Variants in PKIB observed in about 807,000 individuals in gnomAD.
PKIB encodes the protein PKI-beta.
In PKIB, 2 loss-of-function variants were observed where a neutral mutation model predicts 4.5. That is an observed-to-expected ratio of 0.44 (90% CI 0.18 to 1.39). The LOEUF is 1.39. PKIB is among the 40% of genes most tolerant of loss of function. PKIB has a pLI of 0.27. For missense variants in PKIB, 94 were observed against 92.6 expected, an observed-to-expected ratio of 1.02 and a Z score of -0.06; for synonymous variants, 38 against 36.0, an observed-to-expected ratio of 1.06 and a Z score of -0.20.
At chr6:122,521,380 A>G (rs139439645) in intron 2 of PKIB, among the ~76,000 whole-genome samples, 1,596 of 152,210 alleles carry the variant, frequency 0.01, 15 homozygotes, top group Non-Finnish European at 0.016. Flanking sequence ...GTTGTGTAGA[A>G]TAAGAAGATG....
intron 2 of PKIB, among the ~76,000 whole-genome samples, chr6:122,651,726 A>G (rs1314785819): frequency 3.9e-5 from 6 of 152,196 alleles, no homozygotes; most frequent in South Asian, 2.1e-4. Context: ...CCCTGTGGTT[A>G]TAGGAGATAA....
intron 2 of PKIB, among the ~76,000 whole-genome samples, chr6:122,661,681 C>T (rs1334364496): frequency 2.0e-5 from 3 of 152,096 alleles, no homozygotes; most frequent in Non-Finnish European, 4.4e-5. Context: ...TCTCTGTGGA[C>T]ATATGCTTTC....
chr6:122,717,411 C>T lies in PKIB; in HGVS notation c.-8-376C>T, dbSNP rs1298642632. The T allele has an allele frequency of 6.9e-5, 18 of 260,790 alleles. 1 individual carries two copies. 16.2% of individuals were successfully genotyped at this position (260,790 alleles called of 1,614,324 possible). A position where few individuals can be genotyped will look rare whatever the true frequency, so the allele number is the denominator to read the frequency against. On this transcript the variant is annotated intron_variant, in intron 3 of 4. Coordinates refer to ENST00000368452, the MANE Select transcript of PKIB (RefSeq NM_181795.3). ...CCTGAACAATCACCACAAGCAAATA[C>T]TGGCAGAAAGAGTCTCTACAGGAGT...
intron 2 of PKIB, chr6:122,482,591 C>G (rs1775655447): frequency 7.4e-6 from 1 of 135,018 alleles, no homozygotes. Context: ...TGCTCTGTCA[C>G]CCAGGCTGGA....
At chr6:122,537,643 G>A (rs1479552515) in intron 2 of PKIB, among the ~76,000 whole-genome samples, 1 of 152,140 alleles carries the variant, frequency 6.6e-6, no homozygotes, top group Non-Finnish European at 1.5e-5. Context: ...AAACATACGT[G>A]TGCATGTGTC....
chr6:122,507,484 A>G (rs894227780), intron 2 of PKIB, among the ~76,000 whole-genome samples: 2 of 152,156 alleles, frequency 1.3e-5, no homozygotes, highest in Non-Finnish European at 2.9e-5. Flanking sequence ...CCATCAGGTT[A>G]CTTGAAGTTA....
chr6:122,714,619 C>T (rs934468810), intron 3 of PKIB, among the ~76,000 whole-genome samples: 10 of 152,152 alleles, frequency 6.6e-5, no homozygotes, highest in African/African-American at 1.9e-4. Flanking sequence ...TGACGGCCCA[C>T]TCCAAGGGCC....
At chr6:122,519,221 G>A (rs1697751122) in intron 2 of PKIB, among the ~76,000 whole-genome samples, 1 of 152,114 alleles carries the variant, frequency 6.6e-6, no homozygotes, top group Admixed American at 6.5e-5. Flanking sequence ...GCATGTGAGG[G>A]ATCTAGCTTG....
At chr6:122,612,308 GTT>G (rs1774792596) in intron 1 of PKIB, among the ~76,000 whole-genome samples, 1 of 152,018 alleles carries the variant, frequency 6.6e-6, no homozygotes, top group African/African-American at 2.4e-5. Context: ...ATTTCAGTGA[GTT>G]TTAGAAAATT....
At chr6:122,591,166 TC>T (rs34828543) in intron 3 of PKIB, among the ~76,000 whole-genome samples, 7 of 146,840 alleles carry the variant, frequency 4.8e-5, no homozygotes, top group South Asian at 2.1e-4. Flanking sequence ...GCAAGGAAGG[TC>T]CCCCCCCACA....
At chr6:122,620,775 A>G (rs1364894281) in intron 1 of PKIB, among the ~76,000 whole-genome samples, 2 of 152,160 alleles carry the variant, frequency 1.3e-5, no homozygotes, top group Non-Finnish European at 2.9e-5. Flanking sequence ...GCTGTTTTGT[A>G]AATTTTTAAT....
intron 2 of PKIB, chr6:122,643,486 C>T (rs1776194160): frequency 6.6e-6 from 1 of 152,132 alleles, no homozygotes. Context: ...CTAAAATACT[C>T]AGTATAAGTT....
intron 2 of PKIB, among the ~76,000 whole-genome samples, chr6:122,545,024 C>T (rs778946677): frequency 2.6e-5 from 4 of 152,048 alleles, no homozygotes; most frequent in Non-Finnish European, 4.4e-5. Context: ...AAACAGAATA[C>T]TTATATACTG....
chr6:122,483,195 A>C (rs1182254064), intron 2 of PKIB: 1 of 152,156 alleles, frequency 6.6e-6, no homozygotes, highest in East Asian at 1.9e-4. Flanking sequence ...AATTTAAACC[A>C]GACAAAAAGT....
Position 122,555,424 on chromosome 6 carries a change from TA to T in PKIB, c.-247-30496del, listed in dbSNP as rs1412973799. Among the ~76,000 whole-genome samples the T allele has an allele frequency of 2.6e-5, 4 of 152,228 alleles. No homozygotes were observed. The South Asian group carries it at 6.2e-4, about 24-fold the overall frequency. ...GTAATATTTGAAGGAGGTTTTTGGC[TA>T]TGAGTTGTTTGCATTTTATCTTGTA... On this transcript the variant is annotated intron_variant, in intron 2 of 6. Coordinates refer to the PKIB transcript ENST00000392491.
rs1779928695 is a variant in PKIB, at chr6:122,725,710, C to CA, written c.*520dup. ...ATGCCCCAGACTTTTTCCCAAACCTCAAAAACGTCTTGGAAAAATTGTAAA... is the reference window on the plus strand; with the variant it reads ...ATGCCCCAGACTTTTTCCCAAACCTCAAAAAACGTCTTGGAAAAATTGTAAA... On this transcript the variant is annotated 3_prime_UTR_variant, in exon 5 of 5. Transcript: ENST00000368452. The CA allele has an allele frequency of 6.6e-6, 1 of 152,168 alleles. No individual in the cohort carries two copies. The highest frequency in any genetic ancestry group is 1.9e-4 in the East Asian group (1 of 5,200). The allele number at this position is 152,168 out of a possible 1,614,324, so 9.4% of individuals were successfully genotyped here.
At chr6:122,690,275 G>T (rs1329534828) in intron 3 of PKIB, among the ~76,000 whole-genome samples, 5 of 151,712 alleles carry the variant, frequency 3.3e-5, no homozygotes, top group Non-Finnish European at 7.4e-5. Flanking sequence ...TGATAGGTAA[G>T]GACTACTCTT....
At position 122,479,022 on chromosome 6, in the gene PKIB, A is replaced by G. The variant is rs577250410; in HGVS notation, c.-248+1083A>G. ...CAGAGGGAGTTCCTCGACCCCTTGC[A>G]CTTCCCGGGTGAGGTGATGCCCCAC... On this transcript the variant is annotated intron_variant, in intron 2 of 6. Transcript: ENST00000392491. 5.0e-3 allele frequency: 765 copies of G among 152,194 alleles called. 6 individuals carry two copies. Among genetic ancestry groups the G allele is most frequent in the African/African-American group, 0.017 (711 of 41,458 alleles). The allele number at this position is 152,194 out of a possible 1,614,324, so 9.4% of individuals were successfully genotyped here. A position where few individuals can be genotyped will look rare whatever the true frequency, so the allele number is the denominator to read the frequency against.
At chr6:122,512,791 G>A (rs756513784) in intron 2 of PKIB, among the ~76,000 whole-genome samples, 22 of 152,166 alleles carry the variant, frequency 1.4e-4, no homozygotes, top group Non-Finnish European at 2.9e-4. Context: ...GTGTTTAAAG[G>A]AAAATTAGAC....
Sources: gnomAD v4.1 joint callset for allele counts (sites outside exome capture counted in the v4.1 genomes callset) on GRCh38, gnomAD v4.1.1 for gene constraint, MANE v1.5 for transcripts, NCBI Gene and HGNC (gene_info 2026-07-23, HGNC 2026-07-21) for gene names.